EVL: variants seen among roughly 807,000 people sequenced by gnomAD.
The protein encoded by EVL is Enah/Vasp-like.
EVL carries 21 observed loss-of-function variants against 59.6 expected under a neutral mutation model. The observed-to-expected ratio is 0.35, with a 90% CI of 0.25 to 0.51. EVL has a LOEUF of 0.51. Among genes scored for constraint, EVL ranks in the 20% least tolerant of loss-of-function variants. The pLI, the probability that EVL is intolerant of heterozygous loss-of-function variation, is 0.97. For missense variants in EVL, 462 were observed against 546.6 expected (o/e 0.85, Z 1.54); for synonymous variants, 198 against 203.5 (o/e 0.97, Z 0.23).
At chr14:100,011,851 G>T (rs576283224) in intron 1 of EVL, among the ~76,000 whole-genome samples, 2 of 152,248 alleles carry the variant, frequency 1.3e-5, no homozygotes, top group South Asian at 4.1e-4. Flanking sequence ...TTCTTTTGTT[G>T]TTGTTAATAG....
At chr14:99,998,530 A>G (rs2060927603) in intron 1 of EVL, among the ~76,000 whole-genome samples, 1 of 152,168 alleles carries the variant, frequency 6.6e-6, no homozygotes. Flanking sequence ...ACATGTCTGC[A>G]TCTATAAAAG....
rs755181866 is a variant in EVL at position 100,132,697 on chromosome 14, T to TA, written c.840-22_840-21insA. 2.7e-5 allele frequency: 44 copies of TA among 1,614,016 alleles called. No homozygotes were observed. The East Asian group carries it at 8.9e-4, about 33-fold the overall frequency. On this transcript the variant is annotated intron_variant, in intron 7 of 13. Coordinates refer to ENST00000392920, the MANE Select transcript of EVL (RefSeq NM_016337.3). ...AGAGAACGTGAGGAGCTGATCTGTATCTTCCCCTTCTCTGTGCCTAGGAGA... is the reference window on the plus strand; with the variant it reads ...AGAGAACGTGAGGAGCTGATCTGTATACTTCCCCTTCTCTGTGCCTAGGAGA...
intron 1 of EVL, among the ~76,000 whole-genome samples, chr14:100,004,719 T>C (rs1469320744): frequency 1.3e-5 from 2 of 152,188 alleles, no homozygotes; most frequent in African/African-American, 4.8e-5. Context: ...CTTTAAGCTT[T>C]CTTACCAAAA....
chr14:100,071,525 G>A (rs1403853835), intron 1 of EVL, among the ~76,000 whole-genome samples: 3 of 152,278 alleles, frequency 2.0e-5, no homozygotes, highest in Non-Finnish European at 4.4e-5. Context: ...ATATTCTTGT[G>A]TTTTAAAAAA....
chr14:100,051,053 T>C (rs1490093629), intron 1 of EVL, among the ~76,000 whole-genome samples: 1 of 152,220 alleles, frequency 6.6e-6, no homozygotes, highest in African/African-American at 2.4e-5. Flanking sequence ...AGCCTTATTA[T>C]TTTTACTAGC....
rs532512303 is a variant in EVL, at chr14:99,993,685, CTTTTTTTTTTT to C, written c.5+21642_5+21652del. Among the ~76,000 whole-genome samples, 21 of 78,264 alleles carry C rather than the reference CTTTTTTTTTTT, an allele frequency of 2.7e-4. No homozygotes were observed. The East Asian group carries it at 4.4e-3, about 16-fold the overall frequency. The allele number at this position is 78,264 out of a possible 152,430, so 51.3% of individuals were successfully genotyped here. Reference sequence around the variant, plus strand: ...GTCTTTTCAGATTGTTTCTTTCTTTCTTTTTTTTTTTTTTTTTTTTTTTTGACTTAGAGTTC... The same window carrying C: ...GTCTTTTCAGATTGTTTCTTTCTTTCTTTTTTTTTTTTTGACTTAGAGTTC... On this transcript the variant is annotated intron_variant, in intron 1 of 13. Transcript: ENST00000402714.
intron 11 of EVL, 69 bp from the exon 12 acceptor site, chr14:100,141,110 GC>G: frequency 6.6e-7 from 1 of 1,514,410 alleles, no homozygotes; most frequent in Admixed American, 1.8e-5. Context: ...CCTGAGCGGG[GC>G]CTCTGCACAG....
chr14:100,106,946 G>T lies in EVL; in HGVS notation c.358+9288G>T, dbSNP rs990620557. On this transcript the variant is annotated intron_variant, in intron 3 of 13. Transcript: ENST00000392920. ...TGCTCCTCTTCTCCTCCAGTGCCTG[G>T]AAGTGTGGTGGGAGCAGCTTGGTCT... is the stretch of plus-strand genomic sequence containing the variant. 7.5e-6 allele frequency: 3 copies of T among 398,550 alleles called. No individual in the cohort carries two copies. The East Asian group carries it at 1.1e-4, about 14-fold the overall frequency. 24.7% of individuals were successfully genotyped at this position (398,550 alleles called of 1,614,324 possible). A position where few individuals can be genotyped will look rare whatever the true frequency, so the allele number is the denominator to read the frequency against.
chr14:100,137,614 T>TG lies in EVL; in HGVS notation c.1003dup (p.Glu335GlyfsTer21), dbSNP rs746696924. On this transcript the variant is annotated frameshift_variant, in exon 10 of 14. Coordinates refer to ENST00000392920, the MANE Select transcript of EVL (RefSeq NM_016337.3). LOFTEE classifies it high-confidence loss of function. ...AAGCCCTGGGAGCGGAGCAACTCGG[T>TG]GGAGAAGCCTGTGTCCTCGATTCTG... The TG allele has an allele frequency of 6.2e-7, 1 of 1,614,060 alleles. No homozygotes were observed. Among genetic ancestry groups the TG allele is most frequent in the South Asian group, 1.1e-5 (1 of 91,082 alleles).
chr14:100,091,171 C>G (rs1367274272), intron 2 of EVL, among the ~76,000 whole-genome samples: 2 of 152,198 alleles, frequency 1.3e-5, no homozygotes, highest in Non-Finnish European at 2.9e-5. Flanking sequence ...CTCTGCCTTT[C>G]TCCTGCCCTC....
intron 1 of EVL, among the ~76,000 whole-genome samples, chr14:100,014,048 C>T (rs2061034503): frequency 6.6e-6 from 1 of 152,154 alleles, no homozygotes; most frequent in Non-Finnish European, 1.5e-5. Flanking sequence ...CAGTTATACT[C>T]TTTTAGTTAT....
intron 1 of EVL, among the ~76,000 whole-genome samples, chr14:99,982,062 G>T (rs1056179454): frequency 3.9e-5 from 6 of 152,164 alleles, no homozygotes; most frequent in African/African-American, 1.2e-4. Context: ...AACAGTTAAG[G>T]AGAGTATGAA....
intron 1 of EVL, among the ~76,000 whole-genome samples, chr14:100,013,628 A>G (rs1479773495): frequency 6.6e-6 from 1 of 152,222 alleles, no homozygotes; most frequent in Middle Eastern, 3.2e-3. Flanking sequence ...TTGGGCCATG[A>G]GAAAAGAATA....
chr14:99,986,046 C>T (rs2060837983), intron 1 of EVL, among the ~76,000 whole-genome samples: 1 of 152,092 alleles, frequency 6.6e-6, no homozygotes, highest in African/African-American at 2.4e-5. Flanking sequence ...AATCCCAGCA[C>T]TTTGGGAGGC....
At position 99,972,091 on chromosome 14, in the gene EVL, A is replaced by C; in HGVS notation, c.5+34A>C. 3.3e-6 allele frequency: 1 copy of C among 304,064 alleles called. No individual in the cohort carries two copies. Among genetic ancestry groups the C allele is most frequent in the Non-Finnish European group, 6.0e-6 (1 of 165,710 alleles). 18.8% of individuals were successfully genotyped at this position (304,064 alleles called of 1,614,324 possible). ...GGGCCGGCGCCTCGTGGGAGGTGGC[A>C]GCGGCCAGCGTCGGAGGGGCTGGGC... On this transcript the variant is annotated intron_variant, in intron 1 of 13. Coordinates refer to the EVL transcript ENST00000402714. The surrounding 1 kb of genome is among the most constrained non-coding windows in gnomAD (Gnocchi z 4.4).
chr14:100,131,278 G>A (rs1046065912), intron 7 of EVL, among the ~76,000 whole-genome samples: 1 of 152,270 alleles, frequency 6.6e-6, no homozygotes, highest in African/African-American at 2.4e-5. Context: ...AACAGGAAAA[G>A]GCCAGTATTG....
intron 10 of EVL, 33 bp from the exon 11 acceptor site, chr14:100,137,707 G>T: frequency 6.2e-7 from 1 of 1,613,970 alleles, no homozygotes; most frequent in African/African-American, 1.3e-5. Context: ...CGCTGGCGCC[G>T]ATTCACATGT....
chr14:100,041,303 G>T (rs1358033340), intron 1 of EVL, among the ~76,000 whole-genome samples: 1 of 152,168 alleles, frequency 6.6e-6, no homozygotes, highest in Non-Finnish European at 1.5e-5. Flanking sequence ...GAGATGTGAG[G>T]TGGGCTTGGA....
rs1886764266 is a variant in EVL, at chr14:100,108,943, A to G, written c.358+11285A>G. The stretch of plus-strand genomic sequence containing the variant: ...AAAACCCACACATCGTCTGCCTTAT[A>G]AGCTCTCAGTATATCCATCCCTGGC... On this transcript the variant is annotated intron_variant, in intron 3 of 13. Transcript: ENST00000392920. This position sits in a 1 kb window ranked among gnomAD's most constrained non-coding sequence, Gnocchi z 4.1. Among the ~76,000 whole-genome samples the G allele has an allele frequency of 1.3e-5, 2 of 152,162 alleles. No individual in the cohort carries two copies. Among genetic ancestry groups the G allele is most frequent in the East Asian group, 1.9e-4 (1 of 5,178 alleles).
Sources: allele counts gnomAD v4.1 joint callset (sites outside exome capture counted in the v4.1 genomes callset), GRCh38; gene constraint gnomAD v4.1.1; non-coding constraint Gnocchi (gnomAD v3.1); transcripts MANE v1.5; gene names NCBI Gene and HGNC (gene_info 2026-07-23, HGNC 2026-07-21).